The following SCAMP5 variants were observed in gnomAD, a reference collection of about 807,000 sequenced individuals.
The protein encoded by SCAMP5 is secretory carrier-associated membrane protein 5.
In SCAMP5, 7 loss-of-function variants were observed where a neutral mutation model predicts 28.3. That is an observed-to-expected ratio of 0.25 (90% CI 0.14 to 0.46). The LOEUF (loss-of-function observed/expected upper bound fraction) is 0.46. SCAMP5 is among the 20% of genes least tolerant of loss of function. The pLI is 0.99. For synonymous variants in SCAMP5, 117 were observed against 116.4 expected, an observed-to-expected ratio of 1.00 and a Z score of -0.03; for missense variants, 192 against 312.5, an observed-to-expected ratio of 0.61 and a Z score of 2.91.
chr15:75,017,428 A>G (rs1387353606), intron 4 of SCAMP5, among the ~76,000 whole-genome samples: 2 of 152,182 alleles, frequency 1.3e-5, no homozygotes, highest in Non-Finnish European at 2.9e-5. Context: ...CTAAGTGCCA[A>G]TTAGCTACTG....
In SCAMP5 at chr15:75,018,671, A is replaced by G; in HGVS notation, c.514-118A>G. 1 of 1,014,550 alleles carries G rather than the reference A, an allele frequency of 9.9e-7. No homozygotes were observed. The highest frequency in any genetic ancestry group is 1.6e-6 in the Non-Finnish European group (1 of 644,502). 62.8% of individuals were successfully genotyped at this position (1,014,550 alleles called of 1,614,324 possible). On this transcript the variant is annotated intron_variant, in intron 6 of 6. Coordinates refer to ENST00000425597, the MANE Select transcript of SCAMP5 (RefSeq NM_138967.4). This position sits in a 1 kb window ranked among gnomAD's most constrained non-coding sequence, Gnocchi z 5.6. ...CTGGAATGGCCTGCAGGACTCTCCTACAGAGGCATTCATGGGGAGGGAGCA... is the reference window on the plus strand; with the variant it reads ...CTGGAATGGCCTGCAGGACTCTCCTGCAGAGGCATTCATGGGGAGGGAGCA...
chr15:75,009,300 T>C (rs1476114235), intron 1 of SCAMP5, among the ~76,000 whole-genome samples: 1 of 152,218 alleles, frequency 6.6e-6, no homozygotes, highest in African/African-American at 2.4e-5. Context: ...GTCTCTATCA[T>C]ACCCTTCTCT....
intron 1 of SCAMP5, among the ~76,000 whole-genome samples, chr15:75,004,283 C>T (rs2065735966): frequency 6.6e-6 from 1 of 152,306 alleles, no homozygotes; most frequent in African/African-American, 2.4e-5. Context: ...GATCATCTTG[C>T]CTTAGCTCCT....
chr15:75,018,108 A>G lies in SCAMP5; in HGVS notation c.395+137A>G. ...TTGGGAGAGTGAGAGGATTCGGGAT[A>G]GTGTAGTAGTACAACCATAGCATCA... On this transcript the variant is annotated intron_variant, in intron 5 of 6. Coordinates refer to ENST00000425597, the MANE Select transcript of SCAMP5 (RefSeq NM_138967.4). This position sits in a 1 kb window ranked among gnomAD's most constrained non-coding sequence, Gnocchi z 5.6. The G allele has an allele frequency of 1.6e-6, 1 of 641,280 alleles. No individual in the cohort carries two copies. The highest frequency in any genetic ancestry group is 2.7e-5 in the Admixed American group (1 of 37,092). The allele number at this position is 641,280 out of a possible 1,614,324, so 39.7% of individuals were successfully genotyped here.
chr15:75,006,219 G>A (rs1336152664), intron 1 of SCAMP5, among the ~76,000 whole-genome samples: 2 of 151,316 alleles, frequency 1.3e-5, no homozygotes, highest in African/African-American at 2.4e-5. Context: ...GGCTGGTCTC[G>A]AACTCCTGAC....
chr15:75,018,700 T>C lies in SCAMP5; in HGVS notation c.514-89T>C. On this transcript the variant is annotated intron_variant, in intron 6 of 6. Coordinates refer to ENST00000425597, the MANE Select transcript of SCAMP5 (RefSeq NM_138967.4). The surrounding 1 kb of genome is among the most constrained non-coding windows in gnomAD (Gnocchi z 5.6). ...AGGCATTCATGGGGAGGGAGCACTGTTTTTTTTTTACAGATGGGTCCCATC... is the reference window on the plus strand; with the variant it reads ...AGGCATTCATGGGGAGGGAGCACTGCTTTTTTTTTACAGATGGGTCCCATC... 1 of 955,190 alleles carries C rather than the reference T, an allele frequency of 1.0e-6. No homozygotes were observed. The highest frequency in any genetic ancestry group is 1.6e-6 in the Non-Finnish European group (1 of 629,564). The allele number at this position is 955,190 out of a possible 1,614,324, so 59.2% of individuals were successfully genotyped here.
At position 75,018,379 on chromosome 15, in the gene SCAMP5, T is replaced by C; in HGVS notation, c.396-39T>C. 7.3e-7 allele frequency: 1 copy of C among 1,364,058 alleles called. No homozygotes were observed. The highest frequency in any genetic ancestry group is 1.1e-6 in the Non-Finnish European group (1 of 951,782). 84.5% of individuals were successfully genotyped at this position (1,364,058 alleles called of 1,614,324 possible). A position where few individuals can be genotyped will look rare whatever the true frequency, so the allele number is the denominator to read the frequency against. ...CTAGCGGGGGGCTCCTGGGCACCTC[T>C]TATCCTGCCCGCAGCCCCACACTGG... On this transcript the variant is annotated intron_variant, in intron 5 of 6. Coordinates refer to ENST00000425597, the MANE Select transcript of SCAMP5 (RefSeq NM_138967.4). The surrounding 1 kb of genome is among the most constrained non-coding windows in gnomAD (Gnocchi z 5.6).
intron 1 of SCAMP5, among the ~76,000 whole-genome samples, chr15:75,010,862 G>GC (rs1420548717): frequency 3.3e-5 from 5 of 151,914 alleles, no homozygotes; most frequent in African/African-American, 1.2e-4. Context: ...AGGCTGTTTT[G>GC]CCCGGGGAAC....
intron 3 of SCAMP5, among the ~76,000 whole-genome samples, chr15:75,016,390 G>C (rs2065859890): frequency 6.6e-6 from 1 of 152,144 alleles, no homozygotes; most frequent in East Asian, 1.9e-4. Flanking sequence ...TGTATTTGTT[G>C]GTACGGGTTG....
chr15:75,002,604 A>G (rs554914089), intron 1 of SCAMP5, among the ~76,000 whole-genome samples: 6 of 151,968 alleles, frequency 3.9e-5, no homozygotes, highest in African/African-American at 1.4e-4. Flanking sequence ...ATCCTTTCAC[A>G]TGGGAGCCCT....
intron 1 of SCAMP5, among the ~76,000 whole-genome samples, chr15:75,004,358 T>C (rs2065736506): frequency 6.6e-6 from 1 of 152,126 alleles, no homozygotes. Flanking sequence ...ATGTATAAAA[T>C]TTTTTCGCAG....
rs766854898 is a variant in SCAMP5 at position 75,012,671 on chromosome 15, C to T, written c.8-6C>T. ...GGTGATGTTGTGCAATGTGTCTCAT[C>T]CACAGAGAAAGTGAACAACTTCCCA... On this transcript the variant is annotated splice_polypyrimidine_tract_variant and splice_region_variant and intron_variant, in intron 2 of 6. Transcript: ENST00000425597. 1 of 1,613,900 alleles carries T rather than the reference C, an allele frequency of 6.2e-7. No individual in the cohort carries two copies. Among genetic ancestry groups the T allele is most frequent in the Non-Finnish European group, 8.5e-7 (1 of 1,179,770 alleles).
chr15:75,006,039 C>T (rs1051616580), intron 1 of SCAMP5, among the ~76,000 whole-genome samples: 4 of 135,910 alleles, frequency 2.9e-5, no homozygotes, highest in Non-Finnish European at 4.6e-5. Flanking sequence ...GCTCTGTCAC[C>T]CGGGCTGGAG....
intron 4 of SCAMP5, chr15:75,017,505 A>G (rs2065869358): frequency 2.2e-6 from 1 of 453,576 alleles, no homozygotes; most frequent in Non-Finnish European, 3.9e-6. Flanking sequence ...CTATGAGACC[A>G]TCCATCCATG....
rs1411846438 is a variant in SCAMP5, at chr15:75,020,759, C to T, written c.*1776C>T. 6.6e-6 allele frequency: 1 copy of T among 152,216 alleles called. No individual in the cohort carries two copies. Among genetic ancestry groups the T allele is most frequent in the Admixed American group, 6.5e-5 (1 of 15,288 alleles). The allele number at this position is 152,216 out of a possible 1,614,324, so 9.4% of individuals were successfully genotyped here. On this transcript the variant is annotated 3_prime_UTR_variant, in exon 7 of 7. Coordinates refer to ENST00000425597, the MANE Select transcript of SCAMP5 (RefSeq NM_138967.4). Reference sequence around the variant, plus strand: ...TGTTTGGACAAAAATCCAAACCCCACTTGGCTACTCTGGCCTGGCTTCAGC... The same window carrying T: ...TGTTTGGACAAAAATCCAAACCCCATTTGGCTACTCTGGCCTGGCTTCAGC...
rs558455836 is a variant in SCAMP5, at chr15:75,018,307, A to G, written c.396-111A>G. The G allele has an allele frequency of 3.4e-5, 26 of 772,388 alleles. No homozygotes were observed. In the South Asian group the frequency reaches 3.4e-4, roughly 10 times the overall value. 47.8% of individuals were successfully genotyped at this position (772,388 alleles called of 1,614,324 possible). A position where few individuals can be genotyped will look rare whatever the true frequency, so the allele number is the denominator to read the frequency against. On this transcript the variant is annotated intron_variant, in intron 5 of 6. Coordinates refer to ENST00000425597, the MANE Select transcript of SCAMP5 (RefSeq NM_138967.4). This position sits in a 1 kb window ranked among gnomAD's most constrained non-coding sequence, Gnocchi z 5.6. ...GGTATCAGTAAGATGGTCCCTCTGCATCCAGTGATATGTTTCCTCCCTGTG... is the reference window on the plus strand; with the variant it reads ...GGTATCAGTAAGATGGTCCCTCTGCGTCCAGTGATATGTTTCCTCCCTGTG...
At chr15:75,014,514 C>CA (rs1345535985) in intron 3 of SCAMP5, among the ~76,000 whole-genome samples, 1 of 152,178 alleles carries the variant, frequency 6.6e-6, no homozygotes, top group Non-Finnish European at 1.5e-5. Flanking sequence ...ACACAAGGTT[C>CA]ATTTGACATT....
intron 3 of SCAMP5, among the ~76,000 whole-genome samples, chr15:75,015,058 C>G (rs1244587359): frequency 3.3e-5 from 5 of 152,142 alleles, no homozygotes; most frequent in African/African-American, 9.7e-5. Flanking sequence ...GCTCTGGGAA[C>G]TCAACTTCTG....
At chr15:75,005,711 G>C (rs2065750632) in intron 1 of SCAMP5, among the ~76,000 whole-genome samples, 1 of 152,088 alleles carries the variant, frequency 6.6e-6, no homozygotes, top group African/African-American at 2.4e-5. Flanking sequence ...ATAGCAGGAG[G>C]CACATGATGT....
Sources: gnomAD v4.1 joint callset for allele counts (sites outside exome capture counted in the v4.1 genomes callset) on GRCh38, gnomAD v4.1.1 for gene constraint, Gnocchi (gnomAD v3.1) non-coding constraint, MANE v1.5 for transcripts, NCBI Gene and HGNC (gene_info 2026-07-23, HGNC 2026-07-21) for gene names.